The following SERPINB8 variants were observed in gnomAD, a reference collection of about 807,000 sequenced individuals.
The protein encoded by SERPINB8 is serpin B8.
In SERPINB8, 25 loss-of-function variants were observed where a neutral mutation model predicts 35.3. The observed-to-expected ratio is 0.71, with a 90% confidence interval of 0.52 to 0.99. The LOEUF (loss-of-function observed/expected upper bound fraction) is 0.99, where lower values mean the gene tolerates loss of function less well. Among genes scored for constraint, SERPINB8 ranks in the 50% least tolerant of loss-of-function variants. The pLI, the probability that SERPINB8 is intolerant of heterozygous loss-of-function variation, is 0.00. For missense variants in SERPINB8, 484 were observed against 446.5 expected (o/e 1.08, Z -0.76); for synonymous variants, 186 against 160.8 (o/e 1.16, Z -1.19).
At chr18:63,991,694 G>A (rs1384700242), downstream of SERPINB8, among the ~76,000 whole-genome samples, 5 of 149,552 alleles carry the variant, frequency 3.3e-5, no homozygotes, top group African/African-American at 1.2e-4. Flanking sequence ...TTGCCTTATT[G>A]CACTGACTTG....
chr18:63,985,957 T>G lies in SERPINB8; in HGVS notation c.720+712T>G, dbSNP rs370664314. Among the ~76,000 whole-genome samples the G allele has an allele frequency of 3.6e-4, 55 of 152,290 alleles. 1 individual carries two copies. In the South Asian group the frequency reaches 0.011, roughly 30 times the overall value. ...ATACTCCCACCATGGCCGACTTTAG[T>G]CTACTGAGGGTTTAACAATTGATAG... On this transcript the variant is annotated intron_variant, in intron 6 of 6. Transcript: ENST00000397985.
intron 1 of SERPINB8, 32 bp from the exon 2 acceptor site, chr18:63,978,267 A>T (rs1599136714): frequency 6.2e-7 from 1 of 1,613,280 alleles, no homozygotes; most frequent in Non-Finnish European, 8.5e-7. Flanking sequence ...TCATTGGCTT[A>T]TGTGCTTTTC....
In SERPINB8 at chr18:63,987,252, T is replaced by C. The variant is rs779538517; in HGVS notation, c.1099T>C (p.Phe367Leu). The C allele has an allele frequency of 6.8e-6, 11 of 1,613,446 alleles. No individual in the cohort carries two copies. The South Asian group carries it at 1.1e-4, about 16-fold the overall frequency. ...IRHHKTNCIL[F>L]CGRFSSP ...GCACCACAAAACCAACTGCATCTTGTTCTGTGGCAGGTTCTCTTCTCCGTA... is the reference window on the plus strand; with the variant it reads ...GCACCACAAAACCAACTGCATCTTGCTCTGTGGCAGGTTCTCTTCTCCGTA... Residue 367 changes from phenylalanine to leucine, a missense_variant, in exon 7 of 7, where the codon TTC becomes CTC. Coordinates refer to ENST00000397985, the MANE Select transcript of SERPINB8 (RefSeq NM_002640.4).
At position 63,987,067 on chromosome 18, in the gene SERPINB8, A is replaced by C. The variant is rs1254333923; in HGVS notation, c.914A>C (p.Glu305Ala). 1 of 1,614,064 alleles carries C rather than the reference A, an allele frequency of 6.2e-7. No homozygotes were observed. The highest frequency in any genetic ancestry group is 8.5e-7 in the Non-Finnish European group (1 of 1,180,034). The change falls in exon 7 of 7, where the codon GAG (glutamate) becomes GCG (alanine). Residue 305 changes from glutamate (E) to alanine (A), a missense_variant. By Grantham distance (107) the Glu-to-Ala change is moderately radical (BLOSUM62 -1). Transcript: ENST00000397985. ...GCAGACTTTTCTGGAATGTCAACTG[A>C]GAAGAATGTGCCTCTGTCCAAGGTT... Reference protein sequence around the residue: ...AKADFSGMSTEKNVPLSKVAH... With the variant: ...AKADFSGMSTAKNVPLSKVAH...
At position 63,970,789 on chromosome 18, in the gene SERPINB8, C is replaced by G. The variant is rs549319495; in HGVS notation, c.-11+619C>G. The stretch of plus-strand genomic sequence containing the variant: ...ACCTTCTCCTTCCCTTCCTGTCCCC[C>G]CCCTCCGTTCTTTCCACCCCTGCCT... On this transcript the variant is annotated intron_variant, in intron 1 of 6. Coordinates refer to ENST00000397985, the MANE Select transcript of SERPINB8 (RefSeq NM_002640.4). 7.2e-5 allele frequency among the ~76,000 whole-genome samples: 11 copies of G among 152,294 alleles called. No individual in the cohort carries two copies. The South Asian group carries it at 2.1e-3, about 29-fold the overall frequency.
chr18:63,990,099 CAG>C (rs2050816411), downstream of SERPINB8, among the ~76,000 whole-genome samples: 1 of 117,382 alleles, frequency 8.5e-6, no homozygotes, highest in Admixed American at 9.9e-5. Flanking sequence ...CTTTTTGAGA[CAG>C]AGTATTTCTC....
chr18:63,986,581 G>T, intron 6 of SERPINB8: 8 of 1,311,036 alleles, frequency 6.1e-6, no homozygotes, highest in Non-Finnish European at 7.7e-6. Context: ...TTTCTAAACT[G>T]TTAAAAAATG....
chr18:63,992,087 G>T (rs569110974), downstream of SERPINB8, among the ~76,000 whole-genome samples: 23 of 152,242 alleles, frequency 1.5e-4, no homozygotes, highest in African/African-American at 5.5e-4. Flanking sequence ...ACATTAGTCT[G>T]TACTATTCCT....
At chr18:63,992,441 G>A (rs1200852638), downstream of SERPINB8, among the ~76,000 whole-genome samples, 1 of 152,150 alleles carries the variant, frequency 6.6e-6, no homozygotes, top group Non-Finnish European at 1.5e-5. Flanking sequence ...TGTAAAATCT[G>A]TAGTAATACC....
At chr18:63,985,397 G>A (rs1341456154) in intron 6 of SERPINB8, 152 bp downstream of exon 6, 1 of 809,018 alleles carries the variant, frequency 1.2e-6, no homozygotes, top group Non-Finnish European at 1.9e-6. Flanking sequence ...TGATGAACAT[G>A]TTCATGCATT....
At chr18:63,973,384 G>T (rs2144785548) in intron 1 of SERPINB8, among the ~76,000 whole-genome samples, 1 of 152,290 alleles carries the variant, frequency 6.6e-6, no homozygotes, top group Middle Eastern at 3.4e-3. Flanking sequence ...GTAGATTCTG[G>T]ATATTAGCCC....
At chr18:63,970,739 C>A (rs945782999) in intron 1 of SERPINB8, among the ~76,000 whole-genome samples, 23 of 152,172 alleles carry the variant, frequency 1.5e-4, no homozygotes, top group African/African-American at 5.5e-4. Context: ...CAAGCTTGCC[C>A]CTGTGCTTAC....
At chr18:63,991,616 G>A (rs1206654025), downstream of SERPINB8, among the ~76,000 whole-genome samples, 1 of 151,526 alleles carries the variant, frequency 6.6e-6, no homozygotes, top group African/African-American at 2.4e-5. Flanking sequence ...TGTGTTTCTA[G>A]TTCCATGTCT....
chr18:64,007,147 T>G (rs79268509), downstream of SERPINB8, among the ~76,000 whole-genome samples: 2,215 of 152,070 alleles, frequency 0.015, 58 homozygotes, highest in African/African-American at 0.051. Context: ...GGAGACATAA[T>G]TATAGATGCA....
chr18:63,983,646 C>A lies in SERPINB8; in HGVS notation c.492C>A (p.Ala164=). ...DPLTKLVLVN[A]IYFKGKWNEQ... The stretch of plus-strand genomic sequence containing the variant: ...TGACAAAGCTGGTCCTTGTGAATGC[C>A]ATTTATTTCAAGGGAAAGTGGAATG... Residue 164 remains alanine (A), a synonymous_variant, in exon 5 of 7, where the codon GCC becomes GCA. Coordinates refer to ENST00000397985, the MANE Select transcript of SERPINB8 (RefSeq NM_002640.4). 6.2e-7 allele frequency: 1 copy of A among 1,613,502 alleles called. No homozygotes were observed. Among genetic ancestry groups the A allele is most frequent in the Non-Finnish European group, 8.5e-7 (1 of 1,179,464 alleles).
chr18:63,972,454 T>G (rs1295684348), intron 1 of SERPINB8, among the ~76,000 whole-genome samples: 1 of 152,240 alleles, frequency 6.6e-6, no homozygotes, highest in African/African-American at 2.4e-5. Context: ...TACAATCCAT[T>G]TATCCATTCT....
chr18:63,990,969 G>C (rs1599160269), downstream of SERPINB8, among the ~76,000 whole-genome samples: 1 of 152,262 alleles, frequency 6.6e-6, no homozygotes, highest in Non-Finnish European at 1.5e-5. Flanking sequence ...TGCATATGAT[G>C]AAAATGCTAT....
In SERPINB8 at chr18:63,988,350, T is replaced by G. The variant is rs1171113010; in HGVS notation, c.*1072T>G. The G allele has an allele frequency of 6.6e-6, 1 of 152,234 alleles. No individual in the cohort carries two copies. The highest frequency in any genetic ancestry group is 1.9e-4 in the East Asian group (1 of 5,206). 9.4% of individuals were successfully genotyped at this position (152,234 alleles called of 1,614,324 possible). A position where few individuals can be genotyped will look rare whatever the true frequency, so the allele number is the denominator to read the frequency against. ...GTATTCCACTGTGTGGCTGGATTTC[T>G]ATAATTGAATCTAATTTTAGACAGT... On this transcript the variant is annotated 3_prime_UTR_variant, in exon 7 of 7. Coordinates refer to ENST00000397985, the MANE Select transcript of SERPINB8 (RefSeq NM_002640.4).
intron 1 of SERPINB8, among the ~76,000 whole-genome samples, chr18:64,002,160 T>G (rs563255936): frequency 6.6e-6 from 1 of 152,230 alleles, no homozygotes; most frequent in African/African-American, 2.4e-5. Context: ...AGCCACGCAG[T>G]CTGCACGTGT....
Sources: allele counts gnomAD v4.1 joint callset (sites outside exome capture counted in the v4.1 genomes callset), GRCh38; gene constraint gnomAD v4.1.1; transcripts MANE v1.5; gene names NCBI Gene and HGNC (gene_info 2026-07-23, HGNC 2026-07-21).